MTCL1: variants seen among roughly 807,000 people sequenced by gnomAD.
The protein encoded by MTCL1 is microtubule cross-linking factor 1.
Under a neutral mutation model 141.4 loss-of-function variants are expected in MTCL1, and 79 were observed. The ratio of observed to expected loss-of-function variants is 0.56; its 90% CI spans 0.47 to 0.67. The LOEUF is 0.67. Ranked by LOEUF, MTCL1 falls within the 30% of genes least tolerant of loss-of-function variation. The pLI is 0.00. For synonymous variants in MTCL1, 914 were observed against 875.8 expected, an observed-to-expected ratio of 1.04 and a Z score of -0.77; for missense variants, 2,177 against 2,113.9, an observed-to-expected ratio of 1.03 and a Z score of -0.59.
At chr18:8,755,300 C>T (rs530561392) in intron 4 of MTCL1, among the ~76,000 whole-genome samples, 24 of 152,260 alleles carry the variant, frequency 1.6e-4, no homozygotes, top group Admixed American at 1.2e-3. Flanking sequence ...TTGTTTTAAC[C>T]GGGATTGGTT....
intron 7 of MTCL1, 152 bp from the exon 7 acceptor site, chr18:8,792,846 C>G: frequency 9.5e-7 from 1 of 1,050,032 alleles, no homozygotes; most frequent in Non-Finnish European, 1.4e-6. Context: ...GAGGCCCCAG[C>G]GGAGCTGCCA....
intron 1 of MTCL1, 94 bp downstream of exon 1, chr18:8,706,807 A>T: frequency 6.6e-7 from 1 of 1,508,778 alleles, no homozygotes; most frequent in Admixed American, 2.1e-5. Context: ...GGGCCTGTCC[A>T]GCGCCTTCTC....
chr18:8,811,754 C>T (rs988274882), intron 11 of MTCL1, among the ~76,000 whole-genome samples: 8 of 152,210 alleles, frequency 5.3e-5, no homozygotes, highest in African/African-American at 1.4e-4. Flanking sequence ...GATACCTATA[C>T]GTATTTACAG....
At chr18:8,795,037 A>T (rs970491009) in intron 8 of MTCL1, among the ~76,000 whole-genome samples, 13 of 152,224 alleles carry the variant, frequency 8.5e-5, no homozygotes, top group Admixed American at 2.0e-4. Context: ...ACAGGGGAGA[A>T]TCGGTGGAAT....
At chr18:8,729,127 T>G (rs2096236072) in intron 4 of MTCL1, among the ~76,000 whole-genome samples, 2 of 152,048 alleles carry the variant, frequency 1.3e-5, no homozygotes, top group South Asian at 4.1e-4. Context: ...CAAGGCAGCC[T>G]GGACCTCCTT....
chr18:8,747,141 G>A (rs1162042748), intron 4 of MTCL1, among the ~76,000 whole-genome samples: 1 of 152,192 alleles, frequency 6.6e-6, no homozygotes, highest in African/African-American at 2.4e-5. Flanking sequence ...GCCTCTTGTG[G>A]TCTGGACACC....
chr18:8,744,289 C>T (rs1263728321), intron 4 of MTCL1, among the ~76,000 whole-genome samples: 1 of 152,254 alleles, frequency 6.6e-6, no homozygotes, highest in Non-Finnish European at 1.5e-5. Flanking sequence ...CCATTCTGCT[C>T]ACTCACATTT....
exon 15 of MTCL1, chr18:8,825,322 T>C (rs774341560): frequency 2.0e-6 from 3 of 1,538,306 alleles, no homozygotes; most frequent in Non-Finnish European, 8.7e-7. Context: ...GCCTCCCCAC[T>C]GCACAGCCTG....
At chr18:8,797,953 A>C in intron 9 of MTCL1, 144 bp from the exon 9 acceptor site, 2 of 765,220 alleles carry the variant, frequency 2.6e-6, no homozygotes, top group Non-Finnish European at 3.9e-6. Context: ...GAGATGGCCA[A>C]AATGAGCATT....
chr18:8,827,906 A>G (rs2077076890), intron 15 of MTCL1, among the ~76,000 whole-genome samples: 1 of 152,198 alleles, frequency 6.6e-6, no homozygotes, highest in African/African-American at 2.4e-5. Flanking sequence ...TCCTCCGTAA[A>G]GTATTCATTT....
rs573628156 is a variant in MTCL1 at position 8,775,358 on chromosome 18, G to T, written c.358-2475G>T. Among the ~76,000 whole-genome samples, 15 of 150,854 alleles carry T rather than the reference G, an allele frequency of 9.9e-5. No individual in the cohort carries two copies. The East Asian group carries it at 2.6e-3, about 26-fold the overall frequency. On this transcript the variant is annotated intron_variant, in intron 4 of 16. Transcript: ENST00000359865. ...GGCTGAGGCAGGTGGATCACCTGAGGTCAGGAGTTCGAGACCAGCCTGGCC... is the reference window on the plus strand; with the variant it reads ...GGCTGAGGCAGGTGGATCACCTGAGTTCAGGAGTTCGAGACCAGCCTGGCC...
At chr18:8,787,582 C>T (rs1049706818) in intron 7 of MTCL1, among the ~76,000 whole-genome samples, 1 of 152,386 alleles carries the variant, frequency 6.6e-6, no homozygotes, top group African/African-American at 2.4e-5. Context: ...GGAATGGCAC[C>T]TTTTAAAAAC....
chr18:8,767,678 G>A (rs2096465767), intron 4 of MTCL1, among the ~76,000 whole-genome samples: 1 of 151,852 alleles, frequency 6.6e-6, no homozygotes, highest in Non-Finnish European at 1.5e-5. Context: ...CGGAGCAGAG[G>A]TTTAATGGAG....
intron 4 of MTCL1, among the ~76,000 whole-genome samples, chr18:8,744,564 G>A (rs539620809): frequency 7.2e-5 from 11 of 151,926 alleles, no homozygotes; most frequent in Non-Finnish European, 1.3e-4. Flanking sequence ...TTGTGACTAC[G>A]TCCCATATTT....
chr18:8,819,994 C>T (rs184852433), intron 13 of MTCL1, among the ~76,000 whole-genome samples: 14 of 152,260 alleles, frequency 9.2e-5, no homozygotes, highest in Admixed American at 9.1e-4. Flanking sequence ...GGAAAAAAAT[C>T]CAACACTTAG....
chr18:8,748,827 G>T (rs1261366580), intron 4 of MTCL1, among the ~76,000 whole-genome samples: 1 of 151,888 alleles, frequency 6.6e-6, no homozygotes, highest in Non-Finnish European at 1.5e-5. Flanking sequence ...GAAGCCATGT[G>T]GTTTGTAAAA....
chr18:8,820,236 T>C (rs760892303), intron 13 of MTCL1, among the ~76,000 whole-genome samples: 11 of 152,174 alleles, frequency 7.2e-5, no homozygotes, highest in Admixed American at 1.3e-4. Flanking sequence ...GGTGAAACCC[T>C]GTCTCTACTA....
intron 3 of MTCL1, among the ~76,000 whole-genome samples, chr18:8,719,854 TA>T (rs939047316): frequency 6.6e-6 from 1 of 152,136 alleles, no homozygotes; most frequent in Non-Finnish European, 1.5e-5. Context: ...ACAGGCAACT[TA>T]CTTGTTTTGT....
At chr18:8,748,888 T>A (rs2096355820) in intron 4 of MTCL1, among the ~76,000 whole-genome samples, 1 of 152,040 alleles carries the variant, frequency 6.6e-6, no homozygotes, top group Non-Finnish European at 1.5e-5. Flanking sequence ...TCACAGCTCC[T>A]TCTTGGGGGT....
Sources: gnomAD v4.1 joint callset for allele counts (sites outside exome capture counted in the v4.1 genomes callset) on GRCh38, gnomAD v4.1.1 for gene constraint, MANE v1.5 for transcripts, NCBI Gene and HGNC (gene_info 2026-07-23, HGNC 2026-07-21) for gene names.